CTBP1: variants seen among roughly 807,000 people sequenced by gnomAD.
CTBP1 encodes the protein C-terminal binding protein 1.
Under a neutral mutation model 42.1 loss-of-function variants are expected in CTBP1, and 11 were observed. The ratio of observed to expected loss-of-function variants is 0.26; its 90% CI spans 0.16 to 0.43. CTBP1 has a LOEUF of 0.43. Ranked by LOEUF, CTBP1 falls within the 20% of genes least tolerant of loss-of-function variation. CTBP1 has a pLI of 1.00. For missense variants in CTBP1, 399 were observed against 624.3 expected (o/e 0.64, Z 3.85); for synonymous variants, 324 against 277.1 (o/e 1.17, Z -1.68).
At chr4:1,248,585 G>T in intron 1 of CTBP1, 1 of 729,794 alleles carries the variant, frequency 1.4e-6, no homozygotes, top group Non-Finnish European at 1.7e-6. Flanking sequence ...GCCGTCCCGG[G>T]TCCGACGGGG....
rs951171358 is a variant in CTBP1 at position 1,248,927 on chromosome 4, C to A, written c.-200G>T. On this transcript the variant is annotated 5_prime_UTR_variant, in exon 1 of 10. Coordinates refer to ENST00000382952, the MANE Select transcript of CTBP1 (RefSeq NM_001012614.2). Reference sequence around the variant, plus strand: ...GCGCGCGGCCTTACCAAGCGGCAGGCCCTTGTTGAGCAAGTGCGAGCTGCC... The same window carrying A: ...GCGCGCGGCCTTACCAAGCGGCAGGACCTTGTTGAGCAAGTGCGAGCTGCC... 2 of 1,011,084 alleles carry A rather than the reference C, an allele frequency of 2.0e-6. No individual in the cohort carries two copies. The highest frequency in any genetic ancestry group is 2.4e-6 in the Non-Finnish European group (2 of 840,798). 62.6% of individuals were successfully genotyped at this position (1,011,084 alleles called of 1,614,324 possible).
intron 4 of CTBP1, among the ~76,000 whole-genome samples, chr4:1,227,098 C>T (rs1296300083): frequency 1.3e-5 from 2 of 152,036 alleles, no homozygotes; most frequent in African/African-American, 4.8e-5. Flanking sequence ...CGGCCAAGCA[C>T]CGCCCCAAGT....
At chr4:1,248,384 T>C (rs1187956377) in intron 1 of CTBP1, among the ~76,000 whole-genome samples, 1 of 150,856 alleles carries the variant, frequency 6.6e-6, no homozygotes, top group Non-Finnish European at 1.5e-5. Context: ...CCCCGTCCCC[T>C]TCCCCCACAG....
chr4:1,249,038 C>T lies in CTBP1; in HGVS notation c.-311G>A, dbSNP rs1039877183. On this transcript the variant is annotated 5_prime_UTR_variant, in exon 1 of 10. Coordinates refer to ENST00000382952, the MANE Select transcript of CTBP1 (RefSeq NM_001012614.2). ...CCCGGCGCGTGGGGCGGCCTCGGCGCCGTCCGCTGCTCCGCCCGCCCGCCT... is the reference window on the plus strand; with the variant it reads ...CCCGGCGCGTGGGGCGGCCTCGGCGTCGTCCGCTGCTCCGCCCGCCCGCCT... 239 of 613,746 alleles carry T rather than the reference C, an allele frequency of 3.9e-4. No individual in the cohort carries two copies. Among genetic ancestry groups the T allele is most frequent in the Admixed American group, 2.5e-3 (38 of 15,300 alleles). 38.0% of individuals were successfully genotyped at this position (613,746 alleles called of 1,614,324 possible). A position where few individuals can be genotyped will look rare whatever the true frequency, so the allele number is the denominator to read the frequency against.
chr4:1,241,450 T>A lies in CTBP1; in HGVS notation c.-119A>T. 4 of 1,588,562 alleles carry A rather than the reference T, an allele frequency of 2.5e-6. No homozygotes were observed. The highest frequency in any genetic ancestry group is 2.6e-6 in the Non-Finnish European group (3 of 1,158,542). On this transcript the variant is annotated 5_prime_UTR_variant, in exon 2 of 10. Transcript: ENST00000382952. Reference sequence around the variant, plus strand: ...GAGCCTCATCCCACGTCCTTAATTGTCTCGAGCCAAAGTGCTCAGGCTTCT... The same window carrying A: ...GAGCCTCATCCCACGTCCTTAATTGACTCGAGCCAAAGTGCTCAGGCTTCT...
chr4:1,247,909 C>T (rs113729614), intron 1 of CTBP1, among the ~76,000 whole-genome samples: 1 of 152,374 alleles, frequency 6.6e-6, no homozygotes, highest in African/African-American at 2.4e-5. Flanking sequence ...CCCTTTTCCC[C>T]ACTGGAAGGG....
intron 5 of CTBP1, among the ~76,000 whole-genome samples, chr4:1,222,910 C>G (rs1729910480): frequency 6.7e-6 from 1 of 149,770 alleles, no homozygotes; most frequent in Non-Finnish European, 1.5e-5. Flanking sequence ...CTACAGACAT[C>G]CCTGGCCACA....
intron 3 of CTBP1, chr4:1,236,968 A>T (rs1204041234): frequency 3.0e-6 from 2 of 673,468 alleles, no homozygotes; most frequent in Admixed American, 4.1e-5. Flanking sequence ...CCACCTCCTG[A>T]TGGGGCTCAG....
rs1396893980 is a variant in CTBP1, at chr4:1,235,256, T to C, written c.162+2927A>G. ...ATTCCGAGTCTCCGGGATAAAGGAGTGTGGCCACTGGGCTGCATTACAAGC... is the reference window on the plus strand; with the variant it reads ...ATTCCGAGTCTCCGGGATAAAGGAGCGTGGCCACTGGGCTGCATTACAAGC... On this transcript the variant is annotated intron_variant, in intron 3 of 9. Coordinates refer to ENST00000382952, the MANE Select transcript of CTBP1 (RefSeq NM_001012614.2). This position sits in a 1 kb window ranked among gnomAD's most constrained non-coding sequence, Gnocchi z 4.2. The C allele has an allele frequency of 6.6e-6, 1 of 151,870 alleles. No individual in the cohort carries two copies. Among genetic ancestry groups the C allele is most frequent in the Admixed American group, 6.6e-5 (1 of 15,252 alleles). 9.4% of individuals were successfully genotyped at this position (151,870 alleles called of 1,614,324 possible). A position where few individuals can be genotyped will look rare whatever the true frequency, so the allele number is the denominator to read the frequency against.
chr4:1,242,251 C>T (rs574794752), intron 1 of CTBP1: 4 of 985,426 alleles, frequency 4.1e-6, no homozygotes, highest in Admixed American at 6.1e-5. Context: ...TGCACACGAT[C>T]GCCCAGCCCT....
intron 7 of CTBP1, 74 bp downstream of exon 7, chr4:1,214,269 C>G (rs767737195): frequency 6.9e-7 from 1 of 1,445,284 alleles, no homozygotes. Flanking sequence ...CTGGCAGAGG[C>G]GCCGTCTGGA....
intron 2 of CTBP1, among the ~76,000 whole-genome samples, chr4:1,239,150 T>A (rs988038393): frequency 6.6e-6 from 1 of 152,218 alleles, no homozygotes; most frequent in Non-Finnish European, 1.5e-5. Context: ...TTAACACCCA[T>A]TCCTTTCGCG....
chr4:1,212,900 C>T lies in CTBP1; in HGVS notation c.1106+13G>A, dbSNP rs1184337334. ...CCTCCTGGAGGCTGTTCTGGGCCAG[C>T]GGGCCTGCTCACCTATAGGCAGCCC... On this transcript the variant is annotated intron_variant, in intron 9 of 9. Coordinates refer to ENST00000382952, the MANE Select transcript of CTBP1 (RefSeq NM_001012614.2). The T allele has an allele frequency of 5.0e-6, 8 of 1,607,600 alleles. No homozygotes were observed. The highest frequency in any genetic ancestry group is 5.1e-6 in the Non-Finnish European group (6 of 1,174,910).
chr4:1,242,106 A>G (rs1237379997), intron 1 of CTBP1: 1 of 985,168 alleles, frequency 1.0e-6, no homozygotes, highest in Non-Finnish European at 1.2e-6. Context: ...CAATTCTCCC[A>G]AAAAAACTGC....
intron 2 of CTBP1, 61 bp downstream of exon 2, chr4:1,241,264 C>T: frequency 3.8e-6 from 3 of 784,596 alleles, no homozygotes; most frequent in East Asian, 4.8e-5. Context: ...GCCTCCTCCA[C>T]ACGGTCGCAA....
At chr4:1,244,285 G>A (rs368760383) in intron 1 of CTBP1, 106 of 984,792 alleles carry the variant, frequency 1.1e-4, no homozygotes, top group African/African-American at 3.8e-4. Flanking sequence ...GGGTTGCCCC[G>A]GCACACTGGG....
At position 1,228,179 on chromosome 4, in the gene CTBP1, A is replaced by C; in HGVS notation, c.307+20T>G. 1.2e-6 allele frequency: 2 copies of C among 1,613,444 alleles called. No homozygotes were observed. Among genetic ancestry groups the C allele is most frequent in the Non-Finnish European group, 1.7e-6 (2 of 1,179,560 alleles). Reference sequence around the variant, plus strand: ...GAGCTTGCATGAATGGGCACAGGAGAGAACTCGGAGCCGGCCTACCTAAAT... The same window carrying C: ...GAGCTTGCATGAATGGGCACAGGAGCGAACTCGGAGCCGGCCTACCTAAAT... On this transcript the variant is annotated intron_variant, in intron 4 of 9. Coordinates refer to ENST00000382952, the MANE Select transcript of CTBP1 (RefSeq NM_001012614.2).
At chr4:1,247,605 A>G (rs763156924) in intron 1 of CTBP1, among the ~76,000 whole-genome samples, 10 of 152,082 alleles carry the variant, frequency 6.6e-5, no homozygotes, top group Non-Finnish European at 1.2e-4. Flanking sequence ...TTCTCCCCCA[A>G]CCCTGCCCCA....
intron 1 of CTBP1, chr4:1,244,302 C>T: frequency 4.1e-6 from 4 of 984,134 alleles, no homozygotes; most frequent in Non-Finnish European, 4.8e-6. Context: ...TGGGGGTCAC[C>T]ATGGGCTGGG....
Sources: allele counts gnomAD v4.1 joint callset (sites outside exome capture counted in the v4.1 genomes callset), GRCh38; gene constraint gnomAD v4.1.1; non-coding constraint Gnocchi (gnomAD v3.1); transcripts MANE v1.5; gene names NCBI Gene and HGNC (gene_info 2026-07-23, HGNC 2026-07-21).